ERBB2: variants seen among roughly 807,000 people sequenced by gnomAD.
ERBB2 encodes the protein receptor tyrosine-protein kinase erbB-2.
ERBB2 carries 61 observed loss-of-function variants against 149.0 expected under a neutral mutation model. The ratio of observed to expected loss-of-function variants is 0.41; its 90% CI spans 0.33 to 0.51. The LOEUF is 0.51. Ranked by LOEUF, ERBB2 falls within the 20% of genes least tolerant of loss-of-function variation. ERBB2 has a pLI of 0.25. For missense variants in ERBB2, 1,205 were observed against 1,655.1 expected (o/e 0.73, Z 4.72); for synonymous variants, 633 against 678.8 (o/e 0.93, Z 1.05).
intron 15 of ERBB2, chr17:39,717,747 A>ATTAATATTAT: frequency 3.6e-6 from 1 of 276,080 alleles, no homozygotes; most frequent in Admixed American, 5.0e-5. Flanking sequence ...AAGTTAACAT[A>ATTAATATTAT]TATTAATATT....
At chr17:39,688,497 C>CT (rs967770011) in intron 1 of ERBB2, among the ~76,000 whole-genome samples, 12 of 151,860 alleles carry the variant, frequency 7.9e-5, no homozygotes, top group Non-Finnish European at 1.5e-4. Context: ...GCCCATATCA[C>CT]TTTTTTTTTC....
chr17:39,720,785 G>A (rs1423339869), intron 16 of ERBB2, among the ~76,000 whole-genome samples: 1 of 152,132 alleles, frequency 6.6e-6, no homozygotes, highest in East Asian at 1.9e-4. Context: ...AAGTAGCTGG[G>A]ATTACAGGCA....
intron 12 of ERBB2, 49 bp downstream of exon 12, chr17:39,715,988 C>T (rs2145663828): frequency 6.4e-7 from 1 of 1,562,654 alleles, no homozygotes. Context: ...CAGCACACAG[C>T]AGTGCCCAGG....
chr17:39,714,347 G>C (rs541544307), intron 9 of ERBB2, among the ~76,000 whole-genome samples: 1 of 152,266 alleles, frequency 6.6e-6, no homozygotes, highest in South Asian at 2.1e-4. Flanking sequence ...GCAAGGAGAG[G>C]CAGCTAAGAG....
chr17:39,714,204 C>T (rs1232952065), intron 9 of ERBB2, among the ~76,000 whole-genome samples: 3 of 152,048 alleles, frequency 2.0e-5, no homozygotes, highest in East Asian at 1.9e-4. Context: ...TGGTTTTCGT[C>T]GTTTTGGTGG....
chr17:39,699,904 G>T, upstream of ERBB2: 1 of 842,016 alleles, frequency 1.2e-6, no homozygotes, highest in Admixed American at 3.9e-5. Context: ...CGCGAAGAGA[G>T]GGAGAAAGTG....
intron 19 of ERBB2, 80 bp from the exon 20 acceptor site, chr17:39,724,646 G>C (rs2059646286): frequency 7.7e-7 from 1 of 1,303,516 alleles, no homozygotes; most frequent in Admixed American, 1.8e-5. Context: ...CCATGGCTGT[G>C]GTTTGTGATG....
At chr17:39,699,019 G>A (rs1217179703), upstream of ERBB2, among the ~76,000 whole-genome samples, 1 of 152,040 alleles carries the variant, frequency 6.6e-6, no homozygotes, top group East Asian at 1.9e-4. Context: ...TAAGGAATAG[G>A]GTCAGGGGCT....
At chr17:39,696,561 G>T (rs2057868857), upstream of ERBB2, 1 of 152,292 alleles carries the variant, frequency 6.6e-6, no homozygotes, top group Non-Finnish European at 1.5e-5. Context: ...GCTCTTGAGG[G>T]TAATGGGTGA....
upstream of ERBB2, among the ~76,000 whole-genome samples, chr17:39,696,317 C>A (rs554147034): frequency 2.6e-5 from 4 of 152,260 alleles, no homozygotes; most frequent in Non-Finnish European, 4.4e-5. Context: ...GCTCCTCCCC[C>A]CATCCCCACT....
At chr17:39,711,766 G>A (rs987162768) in intron 7 of ERBB2, among the ~76,000 whole-genome samples, 162 bp from the exon 8 acceptor site, 4 of 152,330 alleles carry the variant, frequency 2.6e-5, no homozygotes, top group South Asian at 2.1e-4. Flanking sequence ...TGCTGATCCC[G>A]TCTGGTTGTT....
At chr17:39,717,176 G>A in intron 14 of ERBB2, 144 bp from the exon 15 acceptor site, 1 of 612,292 alleles carries the variant, frequency 1.6e-6, no homozygotes, top group Non-Finnish European at 2.7e-6. Flanking sequence ...TGGGTGAAGA[G>A]CAAGGGTGTT....
At chr17:39,694,260 T>TATACACAC (rs1353244918), upstream of ERBB2, among the ~76,000 whole-genome samples, 19 of 23,484 alleles carry the variant, frequency 8.1e-4, no homozygotes, top group Middle Eastern at 0.033. Flanking sequence ...TATATATATA[T>TATACACAC]ATATATATGT....
In ERBB2 at chr17:39,727,876, G is replaced by A. The variant is rs2143306548; in HGVS notation, c.3600G>A (p.Gln1200=). 1 of 1,614,110 alleles carries A rather than the reference G, an allele frequency of 6.2e-7. No individual in the cohort carries two copies. The highest frequency in any genetic ancestry group is 1.1e-5 in the South Asian group (1 of 91,090). Residue 1200 remains glutamine (Q), a synonymous_variant, in exon 27 of 27, where the codon CAG becomes CAA. Transcript: ENST00000269571. The surrounding 1 kb of genome is among the most constrained non-coding windows in gnomAD (Gnocchi z 4.3). The part of the protein sequence containing the change: ...AVENPEYLTP[Q]GGAAPQPHPP... ...AGAACCCCGAGTACTTGACACCCCA[G>A]GGAGGAGCTGCCCCTCAGCCCCACC...
chr17:39,720,565 G>C (rs1023651821), intron 16 of ERBB2, among the ~76,000 whole-genome samples: 12 of 152,322 alleles, frequency 7.9e-5, no homozygotes, highest in Admixed American at 7.8e-4. Context: ...ACCAGACCCT[G>C]TGCTAAGCAA....
chr17:39,728,519 T>C lies in ERBB2; in HGVS notation c.*475T>C, dbSNP rs2059898432. 8.4e-6 allele frequency: 2 copies of C among 237,578 alleles called. No individual in the cohort carries two copies. The highest frequency in any genetic ancestry group is 2.2e-5 in the African/African-American group (1 of 45,518). The allele number at this position is 237,578 out of a possible 1,614,324, so 14.7% of individuals were successfully genotyped here. ...GCTTTGTACAGAGTGCTTTTCTGTT[T>C]AGTTTTTACTTTTTTTGTTTTGTTT... On this transcript the variant is annotated 3_prime_UTR_variant, in exon 27 of 27. Coordinates refer to ENST00000269571, the MANE Select transcript of ERBB2 (RefSeq NM_004448.4).
chr17:39,708,302 C>T lies in ERBB2; in HGVS notation c.226-19C>T, dbSNP rs2058582885. 1.2e-6 allele frequency: 2 copies of T among 1,606,416 alleles called. No homozygotes were observed. Among genetic ancestry groups the T allele is most frequent in the Non-Finnish European group, 1.7e-6 (2 of 1,173,886 alleles). ...TGGCAGTGTTCCTATTTCAGCCCCA[C>T]TCTGCTTCCCCCTCCCAGGATATCC... On this transcript the variant is annotated intron_variant, in intron 2 of 26. Coordinates refer to ENST00000269571, the MANE Select transcript of ERBB2 (RefSeq NM_004448.4).
upstream of ERBB2, among the ~76,000 whole-genome samples, chr17:39,694,288 T>TATATATATAC (rs1463644286): frequency 9.9e-5 from 6 of 60,728 alleles, no homozygotes; most frequent in South Asian, 7.6e-4. Context: ...TATATATATA[T>TATATATATAC]ACACATATAT....
Position 39,709,888 on chromosome 17 carries a change from C to A in ERBB2, c.643+7C>A, listed in dbSNP as rs746826128. 1.6e-5 allele frequency: 26 copies of A among 1,612,966 alleles called. No homozygotes were observed. The highest frequency in any genetic ancestry group is 2.1e-5 in the Non-Finnish European group (25 of 1,179,756). ...TCTGAGGATTGTCAGAGCCGTGAGT[C>A]TCAGGGAGGCCTGGAGTCAGGGAAG... is the stretch of plus-strand genomic sequence containing the variant. On this transcript the variant is annotated splice_region_variant and intron_variant, in intron 5 of 26. Coordinates refer to ENST00000269571, the MANE Select transcript of ERBB2 (RefSeq NM_004448.4).
Sources: gnomAD v4.1 joint callset for allele counts (sites outside exome capture counted in the v4.1 genomes callset) on GRCh38, gnomAD v4.1.1 for gene constraint, Gnocchi (gnomAD v3.1) non-coding constraint, MANE v1.5 for transcripts, NCBI Gene and HGNC (gene_info 2026-07-23, HGNC 2026-07-21) for gene names.